The following GRIK3 variants were observed in gnomAD, a reference collection of about 807,000 sequenced individuals.
GRIK3 encodes the protein glutamate ionotropic receptor kainate type subunit 3.
In GRIK3, 29 loss-of-function variants were observed where a neutral mutation model predicts 102.5. The ratio of observed to expected loss-of-function variants is 0.28; its 90% CI spans 0.21 to 0.39. GRIK3 has a LOEUF of 0.39. Ranked by LOEUF, GRIK3 falls within the 10% of genes least tolerant of loss-of-function variation. GRIK3 has a pLI of 1.00. For missense variants in GRIK3, 908 were observed against 1,252.4 expected (o/e 0.73, Z 4.15); for synonymous variants, 511 against 504.9 (o/e 1.01, Z -0.16).
chr1:37,004,583 A>T (rs953847450), intron 1 of GRIK3, among the ~76,000 whole-genome samples: 9 of 152,210 alleles, frequency 5.9e-5, no homozygotes, highest in Non-Finnish European at 1.3e-4. Context: ...AAGTCTTCAC[A>T]GCAGGTCTTA....
rs766887566 is a variant in GRIK3, at chr1:36,806,117, G to T, written c.2301C>A (p.Ile767=). 1 of 1,612,968 alleles carries T rather than the reference G, an allele frequency of 6.2e-7. No individual in the cohort carries two copies. The highest frequency in any genetic ancestry group is 2.2e-5 in the East Asian group (1 of 44,854). ...GGLIDSKGYG[I]GTPMGSPYRD... ...CCCCTCGCTCACCCATGGGCGTGCC[G>T]ATGCCGTAGCCCTTGGAGTCAATGA... The change falls in exon 14 of 16, where the codon ATC becomes ATA. Residue 767 remains isoleucine, a synonymous_variant. Transcript: ENST00000373091. The surrounding 1 kb of genome is among the most constrained non-coding windows in gnomAD (Gnocchi z 4.0).
At chr1:36,914,725 C>T (rs3767069) in intron 1 of GRIK3, among the ~76,000 whole-genome samples, 2,541 of 152,288 alleles carry the variant, frequency 0.017, 67 homozygotes, top group East Asian at 0.1. Context: ...CTCAGCCCAA[C>T]GGGCCCCACC....
At position 36,802,068 on chromosome 1, in the gene GRIK3, G is replaced by T. The variant is rs760403506; in HGVS notation, c.2566-23C>A. Reference sequence around the variant, plus strand: ...ACGCTGCAGGAGGGTGGAGGAGAGGGGTCGGAAAAGGGGCACAGAGTGATG... The same window carrying T: ...ACGCTGCAGGAGGGTGGAGGAGAGGTGTCGGAAAAGGGGCACAGAGTGATG... On this transcript the variant is annotated intron_variant, in intron 15 of 15. Transcript: ENST00000373091. The T allele has an allele frequency of 4.5e-6, 7 of 1,564,564 alleles. No individual in the cohort carries two copies. The East Asian group carries it at 1.4e-4, about 30-fold the overall frequency.
chr1:36,816,992 C>T lies in GRIK3; in HGVS notation c.2091+68G>A, dbSNP rs1327974984. 14 of 1,109,980 alleles carry T rather than the reference C, an allele frequency of 1.3e-5. No individual in the cohort carries two copies. In the East Asian group the frequency reaches 3.4e-4, roughly 27 times the overall value. 68.8% of individuals were successfully genotyped at this position (1,109,980 alleles called of 1,614,324 possible). On this transcript the variant is annotated intron_variant, in intron 13 of 15. Coordinates refer to ENST00000373091, the MANE Select transcript of GRIK3 (RefSeq NM_000831.4). ...GGGAAGGACAGAGACCCCCTTTCCT[C>T]TTCTGCTCAGTAAAGGGTCCGGAGA...
At chr1:36,816,959 C>T (rs1011715754) in intron 13 of GRIK3, 101 bp downstream of exon 13, 38 of 776,656 alleles carry the variant, frequency 4.9e-5, no homozygotes, top group East Asian at 3.7e-4. Flanking sequence ...ATTGGCCATG[C>T]GTGGTTAGGG....
At chr1:36,996,071 C>A (rs1642416491) in intron 1 of GRIK3, among the ~76,000 whole-genome samples, 1 of 152,202 alleles carries the variant, frequency 6.6e-6, no homozygotes. Flanking sequence ...CTGTGTTAGC[C>A]TGTGGTCAGC....
intron 13 of GRIK3, among the ~76,000 whole-genome samples, chr1:36,815,297 G>C (rs1349329586): frequency 6.6e-6 from 1 of 152,148 alleles, no homozygotes; most frequent in Non-Finnish European, 1.5e-5. Flanking sequence ...CTCAAGGAGG[G>C]ACATGGTGGG....
At chr1:36,858,318 C>T (rs923945368) in intron 7 of GRIK3, among the ~76,000 whole-genome samples, 1 of 152,242 alleles carries the variant, frequency 6.6e-6, no homozygotes, top group South Asian at 2.1e-4. Flanking sequence ...TTAATCAGCT[C>T]ACCCAAAGTC....
At chr1:36,902,144 T>C (rs1011697880) in intron 1 of GRIK3, among the ~76,000 whole-genome samples, 1 of 152,224 alleles carries the variant, frequency 6.6e-6, no homozygotes, top group Non-Finnish European at 1.5e-5. Context: ...ATTTTCAAGA[T>C]GTGAGTTTTT....
At chr1:36,948,123 C>G (rs1457155314) in intron 1 of GRIK3, among the ~76,000 whole-genome samples, 1 of 152,168 alleles carries the variant, frequency 6.6e-6, no homozygotes, top group African/African-American at 2.4e-5. Flanking sequence ...TCTGCTCCCC[C>G]ATGCAACACC....
intron 1 of GRIK3, among the ~76,000 whole-genome samples, chr1:36,921,924 C>A (rs775648032): frequency 1.2e-4 from 18 of 152,150 alleles, no homozygotes; most frequent in Non-Finnish European, 2.5e-4. Flanking sequence ...TCCCACCTCT[C>A]TCCTTTCCCC....
At chr1:36,968,344 C>G (rs575380016) in intron 1 of GRIK3, among the ~76,000 whole-genome samples, 5 of 152,074 alleles carry the variant, frequency 3.3e-5, no homozygotes, top group East Asian at 1.9e-4. Context: ...TCCTCTCCCC[C>G]ACCATCACTA....
At chr1:36,809,676 A>G (rs1642540420) in intron 13 of GRIK3, among the ~76,000 whole-genome samples, 1 of 152,122 alleles carries the variant, frequency 6.6e-6, no homozygotes, top group African/African-American at 2.4e-5. Context: ...ACCAAACCAT[A>G]TGCTCTTTCC....
chr1:36,972,145 A>G (rs1642149650), intron 1 of GRIK3, among the ~76,000 whole-genome samples: 2 of 152,248 alleles, frequency 1.3e-5, no homozygotes. Context: ...CATCTTTGGC[A>G]TGGGCTCCGC....
At chr1:36,955,315 C>T (rs61770577) in intron 1 of GRIK3, among the ~76,000 whole-genome samples, 4,304 of 152,268 alleles carry the variant, frequency 0.028, 93 homozygotes, top group Non-Finnish European at 0.042. Context: ...AGGGGCTGGG[C>T]CTGACCCAAC....
Position 36,850,503 on chromosome 1 carries a change from T to A in GRIK3, c.1213-79A>T. 2.6e-6 allele frequency: 2 copies of A among 782,508 alleles called. No individual in the cohort carries two copies. Among genetic ancestry groups the A allele is most frequent in the Non-Finnish European group, 2.3e-6 (1 of 440,782 alleles). The allele number at this position is 782,508 out of a possible 1,614,324, so 48.5% of individuals were successfully genotyped here. The stretch of plus-strand genomic sequence containing the variant: ...CCTCCATATCGACAAGACCTTCATC[T>A]CATTCCCATTCATCATGAGCCTCAT... On this transcript the variant is annotated intron_variant, in intron 8 of 15. Transcript: ENST00000373091. The surrounding 1 kb of genome is among the most constrained non-coding windows in gnomAD (Gnocchi z 4.0).
chr1:36,933,677 T>C (rs1446164592), intron 1 of GRIK3, among the ~76,000 whole-genome samples: 2 of 152,244 alleles, frequency 1.3e-5, no homozygotes, highest in Non-Finnish European at 2.9e-5. Flanking sequence ...AAGACATTCA[T>C]GTGTCTTACA....
At chr1:37,026,251 G>A (rs953409514) in intron 1 of GRIK3, among the ~76,000 whole-genome samples, 2 of 152,276 alleles carry the variant, frequency 1.3e-5, no homozygotes, top group African/African-American at 4.8e-5. Context: ...TGGGCCAGGC[G>A]GTGTCTGGGA....
chr1:37,012,677 T>A (rs528578), intron 1 of GRIK3, among the ~76,000 whole-genome samples: 21,639 of 152,184 alleles, frequency 0.14, 2,079 homozygotes, highest in African/African-American at 0.26. Context: ...GTTCCCAAGG[T>A]GACAGAGCAA....
Sources: allele counts gnomAD v4.1 joint callset (sites outside exome capture counted in the v4.1 genomes callset), GRCh38; gene constraint gnomAD v4.1.1; non-coding constraint Gnocchi (gnomAD v3.1); transcripts MANE v1.5; gene names NCBI Gene and HGNC (gene_info 2026-07-23, HGNC 2026-07-21).